ANKS1B: variants seen among roughly 807,000 people sequenced by gnomAD.
The protein encoded by ANKS1B is ankyrin repeat and sterile alpha motif domain containing 1B.
Under a neutral mutation model 148.3 loss-of-function variants are expected in ANKS1B, and 36 were observed. The observed-to-expected ratio is 0.24, with a 90% CI of 0.19 to 0.32. The LOEUF (loss-of-function observed/expected upper bound fraction) is 0.32. ANKS1B is among the 10% of genes least tolerant of loss of function. The pLI is 1.00. For missense variants in ANKS1B, 1,157 were observed against 1,542.6 expected (o/e 0.75, Z 4.19); for synonymous variants, 542 against 560.8 (o/e 0.97, Z 0.47).
intron 11 of ANKS1B, among the ~76,000 whole-genome samples, chr12:99,417,033 C>T (rs753248166): frequency 6.6e-5 from 10 of 152,234 alleles, no homozygotes; most frequent in South Asian, 2.1e-4. Flanking sequence ...GCTCTGTGGC[C>T]GTTGCCATGC....
Position 99,904,128 on chromosome 12 carries a change from G to A in ANKS1B, c.135-78739C>T, listed in dbSNP as rs527479788. 9.2e-5 allele frequency among the ~76,000 whole-genome samples: 14 copies of A among 151,990 alleles called. 1 individual carries two copies. In the South Asian group the frequency reaches 2.7e-3, roughly 29 times the overall value. ...AAGTTGGATTTGTGTCTCTTATCCC[G>A]AGAGTCCTTAATTTACCTAAAAACA... On this transcript the variant is annotated intron_variant, in intron 1 of 26. Transcript: ENST00000683438.
chr12:99,468,836 T>C (rs2096183935), intron 10 of ANKS1B, among the ~76,000 whole-genome samples: 1 of 152,104 alleles, frequency 6.6e-6, no homozygotes. Context: ...TTTTACACTG[T>C]TGGTGGGACT....
intron 2 of ANKS1B, among the ~76,000 whole-genome samples, chr12:99,824,604 G>T (rs927574479): frequency 3.3e-5 from 5 of 152,094 alleles, no homozygotes; most frequent in African/African-American, 4.8e-5. Context: ...AAGGAAGAGG[G>T]TCATTTTTTT....
At chr12:98,944,571 T>C (rs1421464792) in intron 17 of ANKS1B, among the ~76,000 whole-genome samples, 1 of 152,214 alleles carries the variant, frequency 6.6e-6, no homozygotes, top group East Asian at 1.9e-4. Flanking sequence ...CACACTATTA[T>C]ATATGCATAC....
chr12:99,330,343 A>C (rs1044327156), intron 12 of ANKS1B, among the ~76,000 whole-genome samples: 1 of 151,978 alleles, frequency 6.6e-6, no homozygotes, highest in Admixed American at 6.6e-5. Context: ...TATCCAGTAC[A>C]TAAGAGAAAT....
chr12:99,931,544 G>C (rs2094615184), intron 1 of ANKS1B, among the ~76,000 whole-genome samples: 1 of 152,046 alleles, frequency 6.6e-6, no homozygotes, highest in Non-Finnish European at 1.5e-5. Context: ...AAAAAGTTTT[G>C]AGTCTATATT....
chr12:99,770,551 A>G (rs1337261466), intron 8 of ANKS1B, among the ~76,000 whole-genome samples: 2 of 152,176 alleles, frequency 1.3e-5, no homozygotes. Context: ...GCTACAGAAA[A>G]GGGTCAAAGT....
chr12:99,914,814 C>T (rs2094120247), intron 1 of ANKS1B, among the ~76,000 whole-genome samples: 1 of 152,036 alleles, frequency 6.6e-6, no homozygotes, highest in Admixed American at 6.6e-5. Flanking sequence ...AAAGGTAAGC[C>T]ACCTCTAATT....
chr12:99,768,825 GAAAAAAAAAAA>G (rs71088151), intron 8 of ANKS1B, among the ~76,000 whole-genome samples: 3 of 69,406 alleles, frequency 4.3e-5, no homozygotes, highest in East Asian at 4.4e-4. Flanking sequence ...CTCCGTCTCA[GAAAAAAAAAAA>G]AAAAAAAAAA....
intron 9 of ANKS1B, among the ~76,000 whole-genome samples, chr12:99,578,929 C>T (rs1183085293): frequency 6.6e-6 from 1 of 152,044 alleles, no homozygotes; most frequent in Non-Finnish European, 1.5e-5. Context: ...CAGTGACATA[C>T]ATTACCTGAC....
At chr12:99,103,735 C>CTTT (rs2058531034) in intron 15 of ANKS1B, among the ~76,000 whole-genome samples, 2 of 152,046 alleles carry the variant, frequency 1.3e-5, no homozygotes, top group African/African-American at 4.8e-5. Context: ...ATGTTTTTTG[C>CTTT]ACCTGCTCTA....
intron 8 of ANKS1B, among the ~76,000 whole-genome samples, chr12:99,660,363 C>CTTTTTTTTTTTTTTTTTTT (rs71088137): frequency 8.3e-6 from 1 of 120,596 alleles, no homozygotes; most frequent in Non-Finnish European, 1.7e-5. Flanking sequence ...TTTTCTTTTT[C>CTTTTTTTTTTTTTTTTTTT]TTTTTTTTTT....
At chr12:98,860,661 A>T (rs566308218) in intron 17 of ANKS1B, among the ~76,000 whole-genome samples, 1 of 152,278 alleles carries the variant, frequency 6.6e-6, no homozygotes, top group Non-Finnish European at 1.5e-5. Context: ...TGCTGAGGAT[A>T]CTGGTTTCCA....
At chr12:99,088,572 C>G (rs1052615346) in intron 15 of ANKS1B, among the ~76,000 whole-genome samples, 2 of 151,844 alleles carry the variant, frequency 1.3e-5, no homozygotes, top group Non-Finnish European at 2.9e-5. Flanking sequence ...TTTGACAAAT[C>G]AATCTTGGTA....
chr12:99,343,887 T>A (rs1364417814), intron 12 of ANKS1B: 1 of 151,978 alleles, frequency 6.6e-6, no homozygotes, highest in East Asian at 1.9e-4. Flanking sequence ...GTTGGGTTGA[T>A]CCCTCAGGAG....
chr12:99,231,915 C>T (rs2086918037), intron 14 of ANKS1B, among the ~76,000 whole-genome samples: 1 of 151,964 alleles, frequency 6.6e-6, no homozygotes, highest in South Asian at 2.1e-4. Flanking sequence ...TCTTGCAGAC[C>T]CAGGGAAAGA....
chr12:99,638,020 T>C (rs2098259069), intron 9 of ANKS1B, among the ~76,000 whole-genome samples: 1 of 151,932 alleles, frequency 6.6e-6, no homozygotes. Context: ...TGAGTTCTCA[T>C]GAGATCTGAT....
chr12:99,954,574 G>C (rs2095284067), intron 1 of ANKS1B, among the ~76,000 whole-genome samples: 1 of 152,162 alleles, frequency 6.6e-6, no homozygotes, highest in Non-Finnish European at 1.5e-5. Context: ...GAATTTATAT[G>C]GAAAGATGTA....
chr12:98,818,093 C>T (rs911239169), intron 19 of ANKS1B, among the ~76,000 whole-genome samples: 1 of 152,044 alleles, frequency 6.6e-6, no homozygotes, highest in Non-Finnish European at 1.5e-5. Flanking sequence ...GGTTTTCCTT[C>T]CATTCCCTTT....
Sources: gnomAD v4.1 joint callset for allele counts (sites outside exome capture counted in the v4.1 genomes callset) on GRCh38, gnomAD v4.1.1 for gene constraint, MANE v1.5 for transcripts, NCBI Gene and HGNC (gene_info 2026-07-23, HGNC 2026-07-21) for gene names.